GALNT13: variants seen among roughly 807,000 people sequenced by gnomAD.
GALNT13 encodes UDP-GalNAc:polypeptide N-acetylgalactosaminyltransferase 13.
GALNT13 carries 28 observed loss-of-function variants against 64.2 expected under a neutral mutation model. The ratio of observed to expected loss-of-function variants is 0.44; its 90% CI spans 0.32 to 0.60. GALNT13 has a LOEUF of 0.60. Among genes scored for constraint, GALNT13 ranks in the 20% least tolerant of loss-of-function variants. GALNT13 has a pLI of 0.05. For synonymous variants in GALNT13, 214 were observed against 224.6 expected (o/e 0.95, Z 0.42); for missense variants, 577 against 669.8 (o/e 0.86, Z 1.53).
chr2:153,260,005 G>A, the GALNT13 span, among the ~76,000 whole-genome samples: 2 of 151,538 alleles, frequency 1.3e-5, no homozygotes, highest in African/African-American at 4.9e-5. Flanking sequence ...TTACCCTGAG[G>A]CTTGCAAATA....
the GALNT13 span, among the ~76,000 whole-genome samples, chr2:153,239,466 C>T: frequency 2.0e-5 from 3 of 152,034 alleles, no homozygotes; most frequent in East Asian, 1.9e-4. Flanking sequence ...TACTATGTGT[C>T]TGTTTCAAAT....
the GALNT13 span, among the ~76,000 whole-genome samples, chr2:153,225,861 G>T: frequency 6.6e-6 from 1 of 152,118 alleles, no homozygotes; most frequent in South Asian, 2.1e-4. Context: ...CAGATAGGAG[G>T]ACTCAATATT....
the GALNT13 span, among the ~76,000 whole-genome samples, chr2:153,393,722 G>A: frequency 1.2e-4 from 18 of 152,034 alleles, no homozygotes; most frequent in South Asian, 4.2e-4. Flanking sequence ...CCATAATGTG[G>A]GTGGGCCTTA....
chr2:154,298,417 A>C (rs371661114), intron 8 of GALNT13, among the ~76,000 whole-genome samples: 5,414 of 123,374 alleles, frequency 0.044, 152 homozygotes, highest in Non-Finnish European at 0.064. Context: ...TTTATATATA[A>C]ATATATATGA....
At chr2:153,368,796 A>G in the GALNT13 span, among the ~76,000 whole-genome samples, 1 of 152,154 alleles carries the variant, frequency 6.6e-6, no homozygotes, top group East Asian at 1.9e-4. Context: ...GGATGAGAGG[A>G]TCTGAACAAC....
chr2:153,207,589 T>G, the GALNT13 span, among the ~76,000 whole-genome samples: 1 of 152,176 alleles, frequency 6.6e-6, no homozygotes, highest in Admixed American at 6.5e-5. Context: ...GAATTATTCA[T>G]TGATACTATT....
intron 8 of GALNT13, among the ~76,000 whole-genome samples, chr2:154,280,086 T>C (rs1691878307): frequency 6.6e-6 from 1 of 152,178 alleles, no homozygotes; most frequent in South Asian, 2.1e-4. Flanking sequence ...GGTTCTTGAC[T>C]AGAAACAAAA....
chr2:153,698,945 C>T, the GALNT13 span, among the ~76,000 whole-genome samples: 3 of 152,104 alleles, frequency 2.0e-5, no homozygotes, highest in Admixed American at 2.0e-4. Context: ...ACTCAAGGGG[C>T]TGGGCATGGT....
At chr2:153,866,466 A>G in the GALNT13 span, among the ~76,000 whole-genome samples, 29 of 152,190 alleles carry the variant, frequency 1.9e-4, no homozygotes, top group Non-Finnish European at 3.5e-4. Flanking sequence ...TATAGTGGAG[A>G]AAATATATAC....
chr2:154,453,301 ATGAG>A lies in GALNT13; in HGVS notation c.*2753_*2756del, dbSNP rs1313611158. The A allele has an allele frequency of 6.6e-6, 1 of 151,956 alleles. No individual in the cohort carries two copies. Among genetic ancestry groups the A allele is most frequent in the African/African-American group, 2.4e-5 (1 of 41,372 alleles). The allele number at this position is 151,956 out of a possible 1,614,324, so 9.4% of individuals were successfully genotyped here. A position where few individuals can be genotyped will look rare whatever the true frequency, so the allele number is the denominator to read the frequency against. The stretch of plus-strand genomic sequence containing the variant: ...CCTCCGGTGGCCTTCAAGGTCCTTT[ATGAG>A]TGTTACCCCTCTACACGTCCACACC... On this transcript the variant is annotated 3_prime_UTR_variant, in exon 13 of 13. Transcript: ENST00000392825.
At chr2:153,184,677 AG>A in the GALNT13 span, among the ~76,000 whole-genome samples, 3 of 152,094 alleles carry the variant, frequency 2.0e-5, no homozygotes, top group Admixed American at 6.6e-5. Flanking sequence ...TTTAACATGA[AG>A]GGATGTTGAA....
intron 8 of GALNT13, among the ~76,000 whole-genome samples, chr2:154,292,951 G>A (rs1692726440): frequency 6.6e-6 from 1 of 152,070 alleles, no homozygotes; most frequent in African/African-American, 2.4e-5. Flanking sequence ...TCCTAGCAGG[G>A]GAAATAGAGT....
chr2:153,537,844 C>A, the GALNT13 span, among the ~76,000 whole-genome samples: 1 of 152,204 alleles, frequency 6.6e-6, no homozygotes, highest in African/African-American at 2.4e-5. Context: ...CTGAGGCCTC[C>A]TCAGCCCTGC....
At chr2:154,456,174 T>TTTTGG (rs1702030666), downstream of GALNT13, among the ~76,000 whole-genome samples, 1 of 112,558 alleles carries the variant, frequency 8.9e-6, no homozygotes, top group Non-Finnish European at 1.8e-5. Context: ...ATTTCAGCTT[T>TTTTGG]TTTTGTTTTG....
intron 8 of GALNT13, among the ~76,000 whole-genome samples, chr2:154,294,343 C>T (rs1692800934): frequency 6.6e-6 from 1 of 152,180 alleles, no homozygotes; most frequent in Non-Finnish European, 1.5e-5. Flanking sequence ...CATTACATGT[C>T]AGGAGAATAA....
intron 2 of GALNT13, among the ~76,000 whole-genome samples, chr2:153,908,883 T>C (rs551925887): frequency 1.3e-5 from 2 of 152,284 alleles, no homozygotes; most frequent in East Asian, 3.9e-4. Context: ...TGGGCTCTTT[T>C]TTGGTTCCAT....
At chr2:153,839,412 T>C in the GALNT13 span, among the ~76,000 whole-genome samples, 3 of 151,936 alleles carry the variant, frequency 2.0e-5, no homozygotes, top group African/African-American at 7.2e-5. Context: ...ATATGGCTTT[T>C]ATATGTTGAA....
intron 1 of GALNT13, among the ~76,000 whole-genome samples, chr2:153,894,412 G>T (rs1375790442): frequency 2.0e-5 from 3 of 151,796 alleles, no homozygotes; most frequent in Admixed American, 2.0e-4. Context: ...GTACAGAGAG[G>T]TTATGTTTAA....
At chr2:153,413,787 A>G in the GALNT13 span, among the ~76,000 whole-genome samples, 3 of 152,346 alleles carry the variant, frequency 2.0e-5, no homozygotes, top group South Asian at 6.2e-4. Context: ...ATATTTGGCT[A>G]ACATAACTTA....
Sources: gnomAD v4.1 joint callset for allele counts (sites outside exome capture counted in the v4.1 genomes callset) on GRCh38, gnomAD v4.1.1 for gene constraint, MANE v1.5 for transcripts, NCBI Gene and HGNC (gene_info 2026-07-23, HGNC 2026-07-21) for gene names.